WFS1: variants seen among roughly 807,000 people sequenced by gnomAD.
The protein encoded by WFS1 is wolframin ER transmembrane glycoprotein, also known as wolframin.
A neutral mutation model predicts 68.5 loss-of-function variants in WFS1; 90 were observed. The ratio of observed to expected loss-of-function variants is 1.31; its 90% CI spans 1.11 to 1.56. The LOEUF is 1.56. Ranked by LOEUF, WFS1 falls within the 40% of genes most tolerant of loss-of-function variation. WFS1 has a pLI of 0.00. For missense variants in WFS1, 1,767 were observed against 1,232.6 expected (o/e 1.43, Z -6.49); for synonymous variants, 860 against 540.7 (o/e 1.59, Z -8.19).
In WFS1 at chr4:6,289,136, G is replaced by A; in HGVS notation, c.460+5G>A. The stretch of plus-strand genomic sequence containing the variant: ...GGTGCTTGGCGGACAGAAGAGGTGG[G>A]TCTGTGTGAGGCTTAGAACAGCCTC... On this transcript the variant is annotated splice_donor_5th_base_variant and intron_variant, in intron 4 of 7. Coordinates refer to ENST00000226760, the MANE Select transcript of WFS1 (RefSeq NM_006005.3). The A allele has an allele frequency of 6.4e-7, 1 of 1,572,644 alleles. No homozygotes were observed. The highest frequency in any genetic ancestry group is 8.6e-7 in the Non-Finnish European group (1 of 1,159,368).
intron 7 of WFS1, among the ~76,000 whole-genome samples, chr4:6,298,580 C>A (rs762240771): frequency 1.3e-5 from 2 of 149,958 alleles, no homozygotes; most frequent in African/African-American, 5.1e-5. Flanking sequence ...GCACACACTC[C>A]TAAACACTTC....
At chr4:6,286,925 T>C (rs1197410122) in intron 2 of WFS1, among the ~76,000 whole-genome samples, 168 bp from the exon 3 acceptor site, 7 of 152,212 alleles carry the variant, frequency 4.6e-5, no homozygotes, top group Non-Finnish European at 1.0e-4. Flanking sequence ...AACAGTGGCT[T>C]TCTGGGCATC....
chr4:6,279,308 G>A (rs370936025), intron 2 of WFS1, among the ~76,000 whole-genome samples: 6 of 152,200 alleles, frequency 3.9e-5, no homozygotes, highest in African/African-American at 1.2e-4. Context: ...ACACTTCCCC[G>A]AGCTAGGCAT....
chr4:6,277,523 C>T lies in WFS1; in HGVS notation c.68C>T (p.Ala23Val), dbSNP rs1040106557. 1.9e-5 allele frequency: 30 copies of T among 1,584,560 alleles called. No individual in the cohort carries two copies. The highest frequency in any genetic ancestry group is 3.5e-5 in the South Asian group (3 of 86,602). Residue 23 changes from alanine to valine, a missense_variant, in exon 2 of 8, where the codon GCG becomes GTG. By Grantham distance (64) the Ala-to-Val change is moderately conservative. Transcript: ENST00000226760. ...CCCCCGCCAGCACCGCAGCCCCAGGCGCGTTCCCGACTCAATGCCACAGCC... is the reference window on the plus strand; with the variant it reads ...CCCCCGCCAGCACCGCAGCCCCAGGTGCGTTCCCGACTCAATGCCACAGCC... ...PQPPPAPQPQ[A>V]RSRLNATASL...
chr4:6,289,134 G>A lies in WFS1; in HGVS notation c.460+3G>A. ...CCGGTGCTTGGCGGACAGAAGAGGT[G>A]GGTCTGTGTGAGGCTTAGAACAGCC... On this transcript the variant is annotated splice_donor_region_variant and intron_variant, in intron 4 of 7. Transcript: ENST00000226760. The A allele has an allele frequency of 1.3e-6, 2 of 1,573,876 alleles. No individual in the cohort carries two copies. The highest frequency in any genetic ancestry group is 3.7e-5 in the Admixed American group (2 of 54,232).
At chr4:6,300,356 G>A (rs919916473) in intron 7 of WFS1, among the ~76,000 whole-genome samples, 2 of 152,150 alleles carry the variant, frequency 1.3e-5, no homozygotes, top group South Asian at 4.1e-4. Flanking sequence ...CTCCAGTGCT[G>A]GAGGTCTTGC....
In WFS1 at chr4:6,283,492, C is replaced by T. The variant is rs1016325865; in HGVS notation, c.233-3601C>T. ...GATCCAGGGGCTCAGATGATGTCATCAGGAAGTACTCCCCCGCCCCCATTC... is the reference window on the plus strand; with the variant it reads ...GATCCAGGGGCTCAGATGATGTCATTAGGAAGTACTCCCCCGCCCCCATTC... On this transcript the variant is annotated intron_variant, in intron 2 of 7. Transcript: ENST00000226760. This position sits in a 1 kb window ranked among gnomAD's most constrained non-coding sequence, Gnocchi z 5.0. Among the ~76,000 whole-genome samples, 1 of 152,208 alleles carries T rather than the reference C, an allele frequency of 6.6e-6. No individual in the cohort carries two copies. The highest frequency in any genetic ancestry group is 1.5e-5 in the Non-Finnish European group (1 of 68,044).
At position 6,302,228 on chromosome 4, in the gene WFS1, G is replaced by A. The variant is rs1046314; in HGVS notation, c.2433G>A (p.Lys811=). The change falls in exon 8 of 8, where the codon AAG becomes AAA. Residue 811 remains lysine (K), a synonymous_variant. Transcript: ENST00000226760. ...DIVLRASSEF[K]SVLLSLRQGS... ...TGCTGCGGGCCAGCAGCGAGTTCAA[G>A]AGCGTGCTGCTCAGCCTGCGCCAGG... 0.6 allele frequency: 972,031 copies of A among 1,608,966 alleles called. 298,167 individuals carry two copies. The highest frequency in any genetic ancestry group is 0.95 in the East Asian group (42,782 of 44,810).
chr4:6,294,767 C>G, intron 6 of WFS1: 2 of 478,114 alleles, frequency 4.2e-6, no homozygotes, highest in South Asian at 4.0e-5. Context: ...GCATAAGGAG[C>G]TAGGCAGAGA....
intron 7 of WFS1, among the ~76,000 whole-genome samples, chr4:6,298,988 C>T (rs1279749557): frequency 2.0e-5 from 3 of 152,224 alleles, no homozygotes; most frequent in Admixed American, 2.0e-4. Context: ...GCTTCCCTAC[C>T]CCCATGTGGG....
rs1030676090 is a variant in WFS1 at position 6,302,752 on chromosome 4, G to C, written c.*284G>C. On this transcript the variant is annotated 3_prime_UTR_variant, in exon 8 of 8. Coordinates refer to ENST00000226760, the MANE Select transcript of WFS1 (RefSeq NM_006005.3). The stretch of plus-strand genomic sequence containing the variant: ...TGGGTGTGCCAGGCTAGACTAGGAG[G>C]TTCCGGTGTCTGGAAAAGCACTTTA... The C allele has an allele frequency of 1.1e-5, 6 of 542,556 alleles. No homozygotes were observed. The highest frequency in any genetic ancestry group is 3.2e-5 in the East Asian group (1 of 31,658). The allele number at this position is 542,556 out of a possible 1,614,324, so 33.6% of individuals were successfully genotyped here.
rs943397702 is a variant in WFS1, at chr4:6,294,884, C to T, written c.713-157C>T. The T allele has an allele frequency of 1.7e-5, 22 of 1,277,192 alleles. No homozygotes were observed. In the South Asian group the frequency reaches 1.8e-4, roughly 10 times the overall value. The allele number at this position is 1,277,192 out of a possible 1,614,324, so 79.1% of individuals were successfully genotyped here. The stretch of plus-strand genomic sequence containing the variant: ...CCTCCTCACCCAGCCTGGTCCTCAA[C>T]CCTCAGGCCGCCCAGGGAAGGGTTT... On this transcript the variant is annotated intron_variant, in intron 6 of 7. Transcript: ENST00000226760.
chr4:6,300,825 T>G lies in WFS1; in HGVS notation c.1030T>G (p.Phe344Val). 3 of 1,614,052 alleles carry G rather than the reference T, an allele frequency of 1.9e-6. No individual in the cohort carries two copies. Among genetic ancestry groups the G allele is most frequent in the Non-Finnish European group, 2.5e-6 (3 of 1,179,938 alleles). ...CCTCACCATCGACTTCTTCGCCTTCTTCATCCCGCTGGTCATCTTCTACCT... is the reference window on the plus strand; with the variant it reads ...CCTCACCATCGACTTCTTCGCCTTCGTCATCCCGCTGGTCATCTTCTACCT... ...SNLTIDFFAFFIPLVIFYLSF... is the reference protein window; with the variant it reads ...SNLTIDFFAFVIPLVIFYLSF... Residue 344 changes from phenylalanine (F) to valine (V), a missense_variant, in exon 8 of 8, where the codon TTC becomes GTC. Coordinates refer to ENST00000226760, the MANE Select transcript of WFS1 (RefSeq NM_006005.3).
intron 1 of WFS1, among the ~76,000 whole-genome samples, chr4:6,276,549 C>A (rs952571863): frequency 6.6e-6 from 1 of 152,146 alleles, no homozygotes; most frequent in Non-Finnish European, 1.5e-5. Flanking sequence ...GGGGTGGGGG[C>A]TGTGGAGCGG....
rs1730225888 is a variant in WFS1 at position 6,283,673 on chromosome 4, T to A, written c.233-3420T>A. Among the ~76,000 whole-genome samples, 1 of 152,214 alleles carries A rather than the reference T, an allele frequency of 6.6e-6. No homozygotes were observed. Among genetic ancestry groups the A allele is most frequent in the African/African-American group, 2.4e-5 (1 of 41,458 alleles). ...AACTCCGCTGGGCTGTGTCCATCCC[T>A]GAACCAGGTGCTGTAGTCAGGGAGA... On this transcript the variant is annotated intron_variant, in intron 2 of 7. Coordinates refer to ENST00000226760, the MANE Select transcript of WFS1 (RefSeq NM_006005.3). This position sits in a 1 kb window ranked among gnomAD's most constrained non-coding sequence, Gnocchi z 5.0.
chr4:6,293,443 T>C (rs1475713336), intron 6 of WFS1, among the ~76,000 whole-genome samples: 1 of 152,180 alleles, frequency 6.6e-6, no homozygotes, highest in Non-Finnish European at 1.5e-5. Context: ...GGGGCGTCTG[T>C]CATCCCCTTC....
At chr4:6,274,450 G>A (rs907458913) in intron 1 of WFS1, among the ~76,000 whole-genome samples, 2 of 152,140 alleles carry the variant, frequency 1.3e-5, no homozygotes, top group Admixed American at 1.3e-4. Flanking sequence ...TTTTACATAT[G>A]GGGAAACAGA....
At chr4:6,280,422 G>T (rs1376344641) in intron 2 of WFS1, among the ~76,000 whole-genome samples, 1 of 152,196 alleles carries the variant, frequency 6.6e-6, no homozygotes, top group Non-Finnish European at 1.5e-5. Context: ...AGAGAATAAA[G>T]CTGGGCTTGT....
rs188514031 is a variant in WFS1, at chr4:6,295,877, G to A, written c.861+688G>A. Reference sequence around the variant, plus strand: ...CACAGAGTTGCTCACAGTTCAGCTCGCATGGTTGAATTAGATGTGTGCCTG... The same window carrying A: ...CACAGAGTTGCTCACAGTTCAGCTCACATGGTTGAATTAGATGTGTGCCTG... On this transcript the variant is annotated intron_variant, in intron 7 of 7. Transcript: ENST00000226760. Among the ~76,000 whole-genome samples, 31 of 152,322 alleles carry A rather than the reference G, an allele frequency of 2.0e-4. No individual in the cohort carries two copies. The East Asian group carries it at 6.0e-3, about 29-fold the overall frequency.
Sources: allele counts gnomAD v4.1 joint callset (sites outside exome capture counted in the v4.1 genomes callset), GRCh38; gene constraint gnomAD v4.1.1; non-coding constraint Gnocchi (gnomAD v3.1); transcripts MANE v1.5; gene names NCBI Gene and HGNC (gene_info 2026-07-23, HGNC 2026-07-21).